The following MAML2 variants were observed in gnomAD, a reference collection of about 807,000 sequenced individuals.
MAML2 encodes the protein mastermind like transcriptional coactivator 2.
In MAML2, 22 loss-of-function variants were observed where a neutral mutation model predicts 96.1. The ratio of observed to expected loss-of-function variants is 0.23; its 90% confidence interval spans 0.16 to 0.33. The LOEUF (loss-of-function observed/expected upper bound fraction) is 0.33. Ranked by LOEUF, MAML2 falls within the 10% of genes least tolerant of loss-of-function variation. MAML2 has a pLI of 1.00. For missense variants in MAML2, 1,367 were observed against 1,392.4 expected (o/e 0.98, Z 0.29); for synonymous variants, 561 against 521.3 (o/e 1.08, Z -1.04).
chr11:96,074,795 C>T (rs1437812927), intron 2 of MAML2, among the ~76,000 whole-genome samples: 1 of 152,212 alleles, frequency 6.6e-6, no homozygotes, highest in Non-Finnish European at 1.5e-5. Flanking sequence ...TTCTAAATGG[C>T]TCTCTAATCG....
chr11:96,136,628 G>A (rs1860637871), intron 1 of MAML2, among the ~76,000 whole-genome samples: 1 of 152,166 alleles, frequency 6.6e-6, no homozygotes, highest in South Asian at 2.1e-4. Flanking sequence ...CATACTTCTA[G>A]TATGGTAGGT....
chr11:96,047,665 C>T (rs961780948), intron 2 of MAML2, among the ~76,000 whole-genome samples: 11 of 152,026 alleles, frequency 7.2e-5, no homozygotes, highest in East Asian at 1.9e-4. Context: ...AATCCCAGCA[C>T]GTTGAAAGGC....
intron 1 of MAML2, among the ~76,000 whole-genome samples, chr11:96,109,607 G>A (rs1391303763): frequency 1.3e-5 from 2 of 152,126 alleles, no homozygotes; most frequent in Non-Finnish European, 2.9e-5. Context: ...AGAGAGAGAG[G>A]AATTAGGACT....
At chr11:96,090,541 A>G (rs1377235486) in intron 2 of MAML2, among the ~76,000 whole-genome samples, 1 of 152,246 alleles carries the variant, frequency 6.6e-6, no homozygotes, top group Non-Finnish European at 1.5e-5. Flanking sequence ...AAGTGCCTGC[A>G]TATAGCATTA....
intron 1 of MAML2, among the ~76,000 whole-genome samples, chr11:96,223,995 A>C (rs1358914627): frequency 1.3e-5 from 2 of 152,220 alleles, no homozygotes; most frequent in African/African-American, 4.8e-5. Context: ...TTTTATGCAT[A>C]AGGGAAAAGA....
intron 2 of MAML2, among the ~76,000 whole-genome samples, chr11:96,068,135 G>C (rs556039796): frequency 1.3e-5 from 2 of 152,118 alleles, no homozygotes; most frequent in Non-Finnish European, 2.9e-5. Flanking sequence ...AATTATCTGA[G>C]TATCCTGAGT....
chr11:95,982,120 C>T (rs557118153), intron 4 of MAML2, among the ~76,000 whole-genome samples: 97 of 152,112 alleles, frequency 6.4e-4, no homozygotes, highest in African/African-American at 2.1e-3. Flanking sequence ...GTTTGTATTG[C>T]GTTTTGTTGC....
At chr11:96,107,743 T>C (rs1460820611) in intron 1 of MAML2, among the ~76,000 whole-genome samples, 5 of 152,206 alleles carry the variant, frequency 3.3e-5, no homozygotes, top group Non-Finnish European at 7.4e-5. Context: ...TGGCCAATGA[T>C]TTAATCAACC....
At chr11:96,255,045 A>G (rs1160900083) in intron 1 of MAML2, among the ~76,000 whole-genome samples, 1 of 151,718 alleles carries the variant, frequency 6.6e-6, no homozygotes, top group African/African-American at 2.4e-5. Context: ...CTGGTCCGGA[A>G]CTCCTGGGCT....
chr11:96,151,664 TCTTC>T (rs1457234526), intron 1 of MAML2, among the ~76,000 whole-genome samples: 3 of 152,278 alleles, frequency 2.0e-5, no homozygotes, highest in African/African-American at 7.2e-5. Context: ...ACCTTCCCCC[TCTTC>T]CTTTGTCCTG....
chr11:96,121,780 A>ATTTTTTTTTTTTTTTTTGTTTTTTTTTT (rs1860346846), intron 1 of MAML2, among the ~76,000 whole-genome samples: 1 of 35,238 alleles, frequency 2.8e-5, no homozygotes, highest in African/African-American at 1.3e-4. Flanking sequence ...CAACTGCGTG[A>ATTTTTTTTTTTTTTTTTGTTTTTTTTTT]TTTTTTTTTT....
At chr11:96,156,437 TA>T (rs1388315333) in intron 1 of MAML2, among the ~76,000 whole-genome samples, 5 of 152,266 alleles carry the variant, frequency 3.3e-5, no homozygotes, top group African/African-American at 1.2e-4. Flanking sequence ...AGAGGGAGGC[TA>T]ACTCTCATTG....
At chr11:96,047,632 C>A (rs756823105) in intron 2 of MAML2, among the ~76,000 whole-genome samples, 1 of 151,968 alleles carries the variant, frequency 6.6e-6, no homozygotes, top group Non-Finnish European at 1.5e-5. Flanking sequence ...GCTTGTTGGC[C>A]GGGCGCGGTG....
At chr11:96,312,802 G>A (rs1468561792) in intron 1 of MAML2, among the ~76,000 whole-genome samples, 2 of 152,198 alleles carry the variant, frequency 1.3e-5, no homozygotes, top group African/African-American at 4.8e-5. Flanking sequence ...CTTACCTGTT[G>A]TGAAAAATAG....
intron 1 of MAML2, among the ~76,000 whole-genome samples, chr11:96,118,968 G>C (rs912233965): frequency 2.0e-5 from 3 of 151,094 alleles, no homozygotes; most frequent in Non-Finnish European, 4.4e-5. Flanking sequence ...TGAACCCTCT[G>C]TCTCTCCATA....
intron 2 of MAML2, among the ~76,000 whole-genome samples, chr11:96,072,655 C>CG (rs564341916): frequency 1.2e-4 from 19 of 152,214 alleles, no homozygotes; most frequent in Admixed American, 2.6e-4. Context: ...TGAAAGAGCT[C>CG]GCTGTCAAGG....
intron 1 of MAML2, among the ~76,000 whole-genome samples, chr11:96,294,116 G>A (rs1469324298): frequency 3.3e-5 from 5 of 152,092 alleles, no homozygotes; most frequent in African/African-American, 7.2e-5. Context: ...TGATATGTTC[G>A]TTCTTAATTA....
intron 2 of MAML2, among the ~76,000 whole-genome samples, chr11:96,050,938 A>G (rs991188044): frequency 2.0e-5 from 3 of 152,106 alleles, no homozygotes; most frequent in African/African-American, 7.2e-5. Flanking sequence ...TATAGTTCTG[A>G]TCCTATATTC....
rs1303573919 is a variant in MAML2, at chr11:96,274,078, T to A, written c.513+67305A>T. On this transcript the variant is annotated intron_variant, in intron 1 of 4. Coordinates refer to ENST00000524717, the MANE Select transcript of MAML2 (RefSeq NM_032427.4). ...TGTTTCTTTTTCTTTTTCCTTTTCC[T>A]TTTTTTTTTTTTTTTTTTTTTTTAG... Among the ~76,000 whole-genome samples, 561 of 70,714 alleles carry A rather than the reference T, an allele frequency of 7.9e-3. 2 individuals carry two copies. Among genetic ancestry groups the A allele is most frequent in the Non-Finnish European group, 0.01 (349 of 34,654 alleles). The allele number at this position is 70,714 out of a possible 152,430, so 46.4% of individuals were successfully genotyped here. A position where few individuals can be genotyped will look rare whatever the true frequency, so the allele number is the denominator to read the frequency against.
Sources: allele counts gnomAD v4.1 joint callset (sites outside exome capture counted in the v4.1 genomes callset), GRCh38; gene constraint gnomAD v4.1.1; transcripts MANE v1.5; gene names NCBI Gene and HGNC (gene_info 2026-07-23, HGNC 2026-07-21).